The following NLGN1 variants were observed in gnomAD, a reference collection of about 807,000 sequenced individuals.
NLGN1 encodes neuroligin 1, also known as neuroligin-1.
A neutral mutation model predicts 65.5 loss-of-function variants in NLGN1; 12 were observed. The ratio of observed to expected loss-of-function variants is 0.18; its 90% confidence interval spans 0.12 to 0.30. NLGN1 has a LOEUF of 0.30. Among genes scored for constraint, NLGN1 ranks in the 10% least tolerant of loss-of-function variants. The pLI, the probability that NLGN1 is intolerant of heterozygous loss-of-function variation, is 1.00. For synonymous variants in NLGN1, 350 were observed against 359.5 expected, an observed-to-expected ratio of 0.97 and a Z score of 0.30; for missense variants, 750 against 1,007.1, an observed-to-expected ratio of 0.74 and a Z score of 3.46.
chr3:173,497,842 T>C (rs1225640174), intron 2 of NLGN1, among the ~76,000 whole-genome samples: 1 of 151,928 alleles, frequency 6.6e-6, no homozygotes, highest in Admixed American at 6.6e-5. Flanking sequence ...ACAGTTATTT[T>C]ATGGTATCTA....
At chr3:173,707,623 G>A (rs1768256203) in intron 3 of NLGN1, among the ~76,000 whole-genome samples, 1 of 152,112 alleles carries the variant, frequency 6.6e-6, no homozygotes. Flanking sequence ...GTAATCGGAT[G>A]GATGACAGGA....
chr3:173,765,641 T>C (rs1410636028), intron 3 of NLGN1, among the ~76,000 whole-genome samples: 4 of 152,166 alleles, frequency 2.6e-5, no homozygotes, highest in Admixed American at 6.5e-5. Flanking sequence ...ATTGTTCCAA[T>C]CTCTCTCTAT....
chr3:174,166,910 A>G (rs1231583845), intron 4 of NLGN1, among the ~76,000 whole-genome samples: 2 of 152,066 alleles, frequency 1.3e-5, no homozygotes, highest in African/African-American at 4.8e-5. Flanking sequence ...TTCTCATTGA[A>G]TATAACCTTT....
intron 2 of NLGN1, among the ~76,000 whole-genome samples, chr3:173,453,273 G>A (rs1721946097): frequency 6.6e-6 from 1 of 151,868 alleles, no homozygotes; most frequent in Non-Finnish European, 1.5e-5. Flanking sequence ...GTGTGTGTGT[G>A]TGTTTTGTAG....
Position 173,698,059 on chromosome 3 carries a change from A to T in NLGN1, c.493+92968A>T, listed in dbSNP as rs182272168. On this transcript the variant is annotated intron_variant, in intron 3 of 6. Coordinates refer to ENST00000457714, the Ensembl canonical transcript of NLGN1. ...AAAAAAAAAAAAAACAAACTTATTT[A>T]TATATGCTTTATTTCAAGATAGCTT... 2.6e-5 allele frequency among the ~76,000 whole-genome samples: 4 copies of T among 151,882 alleles called. No homozygotes were observed. In the South Asian group the frequency reaches 8.3e-4, roughly 32 times the overall value.
chr3:173,684,234 T>A (rs980612207), intron 3 of NLGN1, among the ~76,000 whole-genome samples: 8 of 152,182 alleles, frequency 5.3e-5, no homozygotes. Flanking sequence ...ACCCTTTTTT[T>A]AAATTCTAGT....
At chr3:173,515,152 C>T (rs1733619186) in intron 2 of NLGN1, among the ~76,000 whole-genome samples, 1 of 152,106 alleles carries the variant, frequency 6.6e-6, no homozygotes, top group Non-Finnish European at 1.5e-5. Flanking sequence ...TATCCACAAC[C>T]TCACCAACAC....
intron 2 of NLGN1, among the ~76,000 whole-genome samples, chr3:173,461,246 A>G (rs528997802): frequency 2.0e-5 from 3 of 152,234 alleles, no homozygotes; most frequent in African/African-American, 4.8e-5. Flanking sequence ...TCAGTTAGTG[A>G]TTTTAGTGAG....
intron 4 of NLGN1, among the ~76,000 whole-genome samples, chr3:174,063,119 T>C (rs1173650143): frequency 6.6e-6 from 1 of 152,074 alleles, no homozygotes; most frequent in East Asian, 1.9e-4. Context: ...TAAAATATCA[T>C]TGCATACATA....
chr3:173,747,796 T>TTC (rs1339924103), intron 3 of NLGN1, among the ~76,000 whole-genome samples: 14 of 83,552 alleles, frequency 1.7e-4, no homozygotes, highest in African/African-American at 5.5e-4. Flanking sequence ...CTTCTTCTTC[T>TTC]TGTTCTTTTT....
At chr3:174,116,538 A>G (rs1377785677) in intron 4 of NLGN1, among the ~76,000 whole-genome samples, 2 of 151,516 alleles carry the variant, frequency 1.3e-5, no homozygotes, top group East Asian at 1.9e-4. Context: ...GGATTTCACT[A>G]TGTTGTCCCG....
chr3:174,267,952 A>G (rs1020811175), intron 4 of NLGN1, among the ~76,000 whole-genome samples: 3 of 152,170 alleles, frequency 2.0e-5, no homozygotes, highest in Admixed American at 2.0e-4. Context: ...ATAGTTTACA[A>G]TGGGAACACT....
Position 174,256,231 on chromosome 3 carries a change from A to G in NLGN1, c.647-19084A>G, listed in dbSNP as rs577340005. ...ACACAAAGATATACTCTGTTTATTC[A>G]GGGGACATAGGCCAATACACCCAGT... On this transcript the variant is annotated intron_variant, in intron 4 of 6. Coordinates refer to ENST00000457714, the Ensembl canonical transcript of NLGN1. Among the ~76,000 whole-genome samples the G allele has an allele frequency of 6.6e-5, 10 of 152,310 alleles. No homozygotes were observed. In the East Asian group the frequency reaches 1.9e-3, roughly 29 times the overall value.
intron 2 of NLGN1, among the ~76,000 whole-genome samples, chr3:173,447,659 C>G (rs546333833): frequency 7.8e-4 from 119 of 152,256 alleles, no homozygotes; most frequent in Non-Finnish European, 1.4e-3. Flanking sequence ...GCAGTATGGC[C>G]ATTTTCATGA....
intron 2 of NLGN1, among the ~76,000 whole-genome samples, chr3:173,474,594 C>T (rs1725866328): frequency 6.6e-6 from 1 of 152,152 alleles, no homozygotes; most frequent in Non-Finnish European, 1.5e-5. Context: ...TATGTATGTA[C>T]TGATTGTCAC....
chr3:174,275,193 T>C (rs1301329886), intron 4 of NLGN1, 122 bp from the exon 5 acceptor site: 1 of 677,668 alleles, frequency 1.5e-6, no homozygotes. Context: ...TGGAAAATAA[T>C]TTTTACTAAT....
chr3:174,163,034 G>T (rs1286511757), intron 4 of NLGN1, among the ~76,000 whole-genome samples: 2 of 151,776 alleles, frequency 1.3e-5, no homozygotes, highest in Admixed American at 6.6e-5. Flanking sequence ...CAAGTTCCCT[G>T]GATCTTCATT....
chr3:174,076,133 A>G (rs1028261505), intron 4 of NLGN1, among the ~76,000 whole-genome samples: 1 of 152,164 alleles, frequency 6.6e-6, no homozygotes, highest in African/African-American at 2.4e-5. Context: ...TTTTAAAGCA[A>G]GATGTTTTGT....
chr3:174,275,116 T>C (rs1342839063), intron 4 of NLGN1, among the ~76,000 whole-genome samples, 199 bp from the exon 5 acceptor site: 1 of 151,854 alleles, frequency 6.6e-6, no homozygotes, highest in African/African-American at 2.4e-5. Flanking sequence ...TTGGGGAAGA[T>C]AAATGTCATT....
Sources: allele counts gnomAD v4.1 joint callset (sites outside exome capture counted in the v4.1 genomes callset), GRCh38; gene constraint gnomAD v4.1.1; transcripts MANE v1.5; gene names NCBI Gene and HGNC (gene_info 2026-07-23, HGNC 2026-07-21).